GMPR: variants seen among roughly 807,000 people sequenced by gnomAD.
The protein encoded by GMPR is GMP reductase 1.
A neutral mutation model predicts 38.4 loss-of-function variants in GMPR; 31 were observed. The ratio of observed to expected loss-of-function variants is 0.81; its 90% CI spans 0.61 to 1.09. The LOEUF is 1.09. Ranked by LOEUF, GMPR falls within the 50% of genes least tolerant of loss-of-function variation. The pLI is 0.00. For missense variants in GMPR, 468 were observed against 453.7 expected (o/e 1.03, Z -0.29); for synonymous variants, 162 against 173.3 (o/e 0.93, Z 0.51).
In GMPR at chr6:16,248,307, TA is replaced by T. The variant is rs990567108; in HGVS notation, c.207+1355del. Among the ~76,000 whole-genome samples the T allele has an allele frequency of 2.2e-3, 325 of 146,044 alleles. 1 individual carries two copies. Among genetic ancestry groups the T allele is most frequent in the Non-Finnish European group, 2.4e-3 (160 of 66,584 alleles). The stretch of plus-strand genomic sequence containing the variant: ...GAAGTACTGTTTGTTAAAATAAAAT[TA>T]AAAAAAAATTAAAAATGGTGTCCTC... On this transcript the variant is annotated intron_variant, in intron 2 of 8. Transcript: ENST00000259727.
intron 4 of GMPR, among the ~76,000 whole-genome samples, chr6:16,267,653 C>G: frequency 6.6e-6 from 1 of 152,176 alleles, no homozygotes; most frequent in East Asian, 1.9e-4. Flanking sequence ...AGGTCTGTGG[C>G]TCCAGCGAGA....
intron 1 of GMPR, among the ~76,000 whole-genome samples, chr6:16,241,848 T>C (rs1279784759): frequency 6.6e-6 from 1 of 152,002 alleles, no homozygotes; most frequent in Non-Finnish European, 1.5e-5. Context: ...TTCAAGCGAT[T>C]CTCCTTCCTC....
In GMPR at chr6:16,267,648, T is replaced by G. The variant is rs145049753; in HGVS notation, c.466-6767T>G. Among the ~76,000 whole-genome samples the G allele has an allele frequency of 5.6e-3, 858 of 152,278 alleles. 10 individuals are homozygous for G. Among genetic ancestry groups the G allele is most frequent in the African/African-American group, 0.02 (812 of 41,554 alleles). ...GTAACACTCACCGCAGCCGAAGGTC[T>G]GTGGCTCCAGCGAGACCAAGAACCC... is the stretch of plus-strand genomic sequence containing the variant. On this transcript the variant is annotated intron_variant, in intron 4 of 8. Coordinates refer to ENST00000259727, the MANE Select transcript of GMPR (RefSeq NM_006877.4).
At chr6:16,256,014 G>T in intron 4 of GMPR, among the ~76,000 whole-genome samples, 1 of 151,594 alleles carries the variant, frequency 6.6e-6, no homozygotes, top group East Asian at 2.0e-4. Flanking sequence ...TCAGGAATTT[G>T]AGACCAGCCT....
At chr6:16,250,997 TA>T (rs2113672434) in intron 3 of GMPR, among the ~76,000 whole-genome samples, 1 of 152,316 alleles carries the variant, frequency 6.6e-6, no homozygotes, top group African/African-American at 2.4e-5. Flanking sequence ...CCTGGAACGT[TA>T]ACCATAAGAG....
chr6:16,260,894 A>G (rs1284976190), intron 4 of GMPR, among the ~76,000 whole-genome samples: 9 of 152,056 alleles, frequency 5.9e-5, no homozygotes, highest in Admixed American at 2.0e-4. Context: ...CGGGCCAGGA[A>G]CAATGGTAAT....
At chr6:16,289,407 GTT>G (rs1759781520) in intron 7 of GMPR, 1 of 152,222 alleles carries the variant, frequency 6.6e-6, no homozygotes, top group Non-Finnish European at 1.5e-5. Flanking sequence ...TTTTTCCCAC[GTT>G]TTTACTTTTT....
chr6:16,265,098 GCA>G (rs1185841278), intron 4 of GMPR, among the ~76,000 whole-genome samples: 4 of 152,168 alleles, frequency 2.6e-5, no homozygotes, highest in Admixed American at 6.5e-5. Context: ...AAAGGCACTA[GCA>G]CAGACTAGGC....
Position 16,295,264 on chromosome 6 carries a change from G to T in GMPR, c.*78G>T. 5.4e-6 allele frequency: 6 copies of T among 1,101,362 alleles called. No individual in the cohort carries two copies. Among genetic ancestry groups the T allele is most frequent in the Non-Finnish European group, 7.5e-6 (6 of 802,276 alleles). 68.2% of individuals were successfully genotyped at this position (1,101,362 alleles called of 1,614,324 possible). ...TCCCATCTCCCCCCAAGTCTGTTCCGTCAGAGCTTCTGGCTGCTCCTGAAT... is the reference window on the plus strand; with the variant it reads ...TCCCATCTCCCCCCAAGTCTGTTCCTTCAGAGCTTCTGGCTGCTCCTGAAT... On this transcript the variant is annotated 3_prime_UTR_variant, in exon 9 of 9. Transcript: ENST00000259727.
At chr6:16,270,980 A>G (rs1055816074) in intron 4 of GMPR, among the ~76,000 whole-genome samples, 24 of 152,064 alleles carry the variant, frequency 1.6e-4, no homozygotes, top group African/African-American at 5.3e-4. Context: ...TGAGGCCAGG[A>G]GTTAGAGACC....
At chr6:16,277,374 G>A (rs1444899580) in intron 5 of GMPR, among the ~76,000 whole-genome samples, 2 of 152,144 alleles carry the variant, frequency 1.3e-5, no homozygotes, top group African/African-American at 2.4e-5. Flanking sequence ...AGGTGGTGCC[G>A]GCCAGGAGCC....
At chr6:16,248,963 G>A (rs777243524) in intron 2 of GMPR, among the ~76,000 whole-genome samples, 10 of 152,046 alleles carry the variant, frequency 6.6e-5, no homozygotes, top group African/African-American at 9.7e-5. Context: ...TGAATTTTCC[G>A]TTTCTAGGAT....
intron 7 of GMPR, 24 bp from the exon 8 acceptor site, chr6:16,290,438 T>C (rs1759817752): frequency 6.2e-7 from 1 of 1,611,104 alleles, no homozygotes; most frequent in Non-Finnish European, 8.5e-7. Flanking sequence ...GCTACTCGCT[T>C]TCATCCCCAC....
chr6:16,284,883 G>T (rs1759645322), intron 6 of GMPR, among the ~76,000 whole-genome samples: 1 of 152,066 alleles, frequency 6.6e-6, no homozygotes, highest in Admixed American at 6.5e-5. Flanking sequence ...AGCTGGGCTT[G>T]GTGGTGGGCA....
At chr6:16,245,929 C>T (rs1002727677) in intron 1 of GMPR, among the ~76,000 whole-genome samples, 6 of 152,324 alleles carry the variant, frequency 3.9e-5, no homozygotes, top group African/African-American at 7.2e-5. Flanking sequence ...CCCTGACTTC[C>T]GCCAACCTCT....
intron 4 of GMPR, among the ~76,000 whole-genome samples, chr6:16,257,487 A>T (rs1310947393): frequency 1.3e-5 from 2 of 152,064 alleles, no homozygotes; most frequent in Non-Finnish European, 2.9e-5. Flanking sequence ...CCTGAAGCTA[A>T]TCTTTAATAT....
chr6:16,284,967 C>T (rs536216285), intron 6 of GMPR, among the ~76,000 whole-genome samples: 49 of 141,606 alleles, frequency 3.5e-4, no homozygotes, highest in African/African-American at 1.2e-3. Flanking sequence ...TGCAGTGAGC[C>T]GAGATCACGC....
intron 4 of GMPR, among the ~76,000 whole-genome samples, chr6:16,264,022 G>GA (rs1759141341): frequency 6.6e-6 from 1 of 151,876 alleles, no homozygotes; most frequent in South Asian, 2.1e-4. Flanking sequence ...CCCTTCCCCA[G>GA]AAAAGCAGGA....
chr6:16,267,282 G>A (rs928160204), intron 4 of GMPR, among the ~76,000 whole-genome samples: 8 of 152,120 alleles, frequency 5.3e-5, no homozygotes, highest in Non-Finnish European at 1.2e-4. Flanking sequence ...TGAGGCAGGA[G>A]AATTGCATGA....
Sources: gnomAD v4.1 joint callset for allele counts (sites outside exome capture counted in the v4.1 genomes callset) on GRCh38, gnomAD v4.1.1 for gene constraint, MANE v1.5 for transcripts, NCBI Gene and HGNC (gene_info 2026-07-23, HGNC 2026-07-21) for gene names.